The following FAM167A variants were observed in gnomAD, a reference collection of about 807,000 sequenced individuals.
FAM167A encodes the protein family with sequence similarity 167 member A, also known as protein FAM167A.
In FAM167A, 23 loss-of-function variants were observed where a neutral mutation model predicts 14.9. The observed-to-expected ratio is 1.55, with a 90% CI of 1.11 to 2.19. The LOEUF (loss-of-function observed/expected upper bound fraction) is 2.19. Ranked by LOEUF, FAM167A falls within the 30% of genes most tolerant of loss-of-function variation. FAM167A has a pLI of 0.00. For missense variants in FAM167A, 401 were observed against 281.5 expected, an observed-to-expected ratio of 1.42 and a Z score of -3.04; for synonymous variants, 174 against 117.7, an observed-to-expected ratio of 1.48 and a Z score of -3.10.
At position 11,424,357 on chromosome 8, in the gene FAM167A, C is replaced by G. The variant is rs1171823700; in HGVS notation, c.*16G>C. 3.1e-6 allele frequency: 5 copies of G among 1,613,454 alleles called. No homozygotes were observed. Among genetic ancestry groups the G allele is most frequent in the South Asian group, 1.1e-5 (1 of 91,054 alleles). On this transcript the variant is annotated 3_prime_UTR_variant, in exon 3 of 3. Coordinates refer to ENST00000284486, the MANE Select transcript of FAM167A (RefSeq NM_053279.3). ...AAGCCCTCCGCTCCAGCCCCTCCGC[C>G]CAGTCTGAGGGCTCCTCAGCAGAGA...
In FAM167A at chr8:11,427,516, T is replaced by G. The variant is rs17153220; in HGVS notation, c.382-2880A>C. On this transcript the variant is annotated intron_variant, in intron 2 of 2. Transcript: ENST00000284486. ...ACCTGGTGCCTGGAGCCAAACTGATTAGAAAAATGAGCCCTGAGATGCCCT... is the reference window on the plus strand; with the variant it reads ...ACCTGGTGCCTGGAGCCAAACTGATGAGAAAAATGAGCCCTGAGATGCCCT... 8.3e-4 allele frequency among the ~76,000 whole-genome samples: 126 copies of G among 152,298 alleles called. 3 individuals carry two copies. The highest frequency in any genetic ancestry group is 3.4e-3 in the Middle Eastern group (1 of 294).
upstream of FAM167A, among the ~76,000 whole-genome samples, chr8:11,468,419 C>A (rs1236997838): frequency 6.6e-6 from 1 of 152,234 alleles, no homozygotes; most frequent in Non-Finnish European, 1.5e-5. Flanking sequence ...TGCTGGCAGC[C>A]CCCTGCCTTA....
chr8:11,455,384 CGTGAG>C (rs1807201615), intron 1 of FAM167A, among the ~76,000 whole-genome samples: 1 of 99,838 alleles, frequency 1.0e-5, no homozygotes, highest in African/African-American at 4.1e-5. Context: ...GGTTGCCTTG[CGTGAG>C]TGTGATTGTG....
chr8:11,435,289 G>A (rs1467620934), intron 2 of FAM167A, among the ~76,000 whole-genome samples: 1 of 152,158 alleles, frequency 6.6e-6, no homozygotes, highest in Non-Finnish European at 1.5e-5. Flanking sequence ...AGCCCCATGG[G>A]CGCCTGCTAC....
At chr8:11,438,176 T>C (rs1019472103) in intron 2 of FAM167A, 1 of 455,334 alleles carries the variant, frequency 2.2e-6, no homozygotes, top group Admixed American at 2.4e-5. Flanking sequence ...CGCCTGCCTC[T>C]CTCAGCCCCG....
At chr8:11,449,688 G>A (rs141513611) in intron 1 of FAM167A, among the ~76,000 whole-genome samples, 7 of 152,202 alleles carry the variant, frequency 4.6e-5, no homozygotes, top group African/African-American at 1.4e-4. Context: ...CAAGCCCTTG[G>A]GGGGGCGCGT....
rs759102263 is a variant in FAM167A at position 11,424,484 on chromosome 8, G to A, written c.534C>T (p.Ala178=). ...CAAGAGGGGAGTCACAGAAGAGGTC[G>A]GCCAGCTCATCCCGCTCCTCCAGCT... ...TYELEERDEL[A]DLFCDSPLAS... The change falls in exon 3 of 3, where the codon GCC becomes GCT. Residue 178 remains alanine, a synonymous_variant. Coordinates refer to ENST00000284486, the MANE Select transcript of FAM167A (RefSeq NM_053279.3). 14 of 1,614,140 alleles carry A rather than the reference G, an allele frequency of 8.7e-6. No homozygotes were observed. Among genetic ancestry groups the A allele is most frequent in the East Asian group, 2.2e-5 (1 of 44,880 alleles).
At chr8:11,445,628 G>C (rs2003422) in intron 1 of FAM167A, 328,779 of 984,792 alleles carry the variant, frequency 0.33, 55,861 homozygotes, top group East Asian at 0.67. Flanking sequence ...CTCCAGAGAG[G>C]AGGCATAAGC....
chr8:11,462,343 C>T (rs984838151), intron 1 of FAM167A, among the ~76,000 whole-genome samples: 1 of 152,196 alleles, frequency 6.6e-6, no homozygotes, highest in Admixed American at 6.5e-5. Flanking sequence ...GGCCTAGGTT[C>T]CACATCCATG....
At chr8:11,453,148 G>A (rs534608274) in intron 1 of FAM167A, among the ~76,000 whole-genome samples, 3 of 152,234 alleles carry the variant, frequency 2.0e-5, no homozygotes, top group South Asian at 4.2e-4. Flanking sequence ...AATGCAACTC[G>A]AATCCTGCCC....
upstream of FAM167A, among the ~76,000 whole-genome samples, chr8:11,469,421 G>T (rs1397255360): frequency 6.6e-6 from 1 of 152,212 alleles, no homozygotes; most frequent in Non-Finnish European, 1.5e-5. Context: ...CAGTGATGGT[G>T]GGAGGATCTG....
At chr8:11,438,008 C>G (rs1185043775) in intron 2 of FAM167A, 3 of 361,524 alleles carry the variant, frequency 8.3e-6, no homozygotes, top group Non-Finnish European at 1.1e-5. Flanking sequence ...CACCATGCCA[C>G]TGTGTTTATG....
At chr8:11,465,975 G>A (rs1301089382) in intron 1 of FAM167A, among the ~76,000 whole-genome samples, 1 of 151,964 alleles carries the variant, frequency 6.6e-6, no homozygotes, top group African/African-American at 2.4e-5. Flanking sequence ...CGGGTGTGCA[G>A]AAAACCTATA....
intron 1 of FAM167A, among the ~76,000 whole-genome samples, chr8:11,455,191 G>A (rs1400650444): frequency 6.9e-6 from 1 of 143,974 alleles, no homozygotes; most frequent in Admixed American, 6.8e-5. Flanking sequence ...AGTGTGGGTG[G>A]TGGTTGCCTT....
chr8:11,469,600 C>T (rs1211282969), upstream of FAM167A, among the ~76,000 whole-genome samples: 1 of 152,174 alleles, frequency 6.6e-6, no homozygotes, highest in Non-Finnish European at 1.5e-5. Context: ...GGCATGGTAG[C>T]TCACACCTGT....
intron 2 of FAM167A, chr8:11,438,483 C>G (rs578247671): frequency 2.2e-6 from 1 of 457,264 alleles, no homozygotes; most frequent in African/African-American, 2.0e-5. Flanking sequence ...ATACCGATTA[C>G]ATTGGCAAGG....
intron 1 of FAM167A, among the ~76,000 whole-genome samples, chr8:11,449,435 C>T (rs1460684974): frequency 6.6e-6 from 1 of 152,194 alleles, no homozygotes; most frequent in Non-Finnish European, 1.5e-5. Context: ...CCTCCCCTCG[C>T]TTGACAAACC....
At chr8:11,465,571 C>G (rs1038815637) in intron 1 of FAM167A, among the ~76,000 whole-genome samples, 2 of 152,234 alleles carry the variant, frequency 1.3e-5, no homozygotes, top group Non-Finnish European at 2.9e-5. Flanking sequence ...TTTCCAAGCT[C>G]CTTAAAAACA....
At chr8:11,427,159 T>C (rs762386979) in intron 2 of FAM167A, among the ~76,000 whole-genome samples, 105 of 152,176 alleles carry the variant, frequency 6.9e-4, no homozygotes, top group Middle Eastern at 3.2e-3. Flanking sequence ...CCCTTTGGCT[T>C]AGTGATTGTG....
Sources: allele counts gnomAD v4.1 joint callset (sites outside exome capture counted in the v4.1 genomes callset), GRCh38; gene constraint gnomAD v4.1.1; transcripts MANE v1.5; gene names NCBI Gene and HGNC (gene_info 2026-07-23, HGNC 2026-07-21).